CACNG2: variants seen among roughly 807,000 people sequenced by gnomAD.
The protein encoded by CACNG2 is voltage-dependent calcium channel gamma-2 subunit.
A neutral mutation model predicts 25.9 loss-of-function variants in CACNG2; 3 were observed. The observed-to-expected ratio is 0.12, with a 90% CI of 0.05 to 0.30. The LOEUF (loss-of-function observed/expected upper bound fraction) is 0.30. Among genes scored for constraint, CACNG2 ranks in the 10% least tolerant of loss-of-function variants. The pLI, the probability that CACNG2 is intolerant of heterozygous loss-of-function variation, is 1.00. For missense variants in CACNG2, 341 were observed against 432.5 expected (o/e 0.79, Z 1.88); for synonymous variants, 167 against 173.3 (o/e 0.96, Z 0.29).
intron 1 of CACNG2, among the ~76,000 whole-genome samples, chr22:36,588,986 C>T (rs924133695): frequency 1.5e-5 from 2 of 129,186 alleles, no homozygotes; most frequent in Admixed American, 8.3e-5. Flanking sequence ...TTACATATAC[C>T]TTTTTTTTTT....
At chr22:36,663,011 A>ATATT (rs2145985563) in intron 1 of CACNG2, among the ~76,000 whole-genome samples, 1 of 149,776 alleles carries the variant, frequency 6.7e-6, no homozygotes, top group Non-Finnish European at 1.5e-5. Flanking sequence ...TTGAACACTC[A>ATATT]CGATATGTTT....
chr22:36,597,895 G>T (rs1935701006), intron 1 of CACNG2, among the ~76,000 whole-genome samples: 1 of 152,162 alleles, frequency 6.6e-6, no homozygotes, highest in Non-Finnish European at 1.5e-5. Flanking sequence ...AGCTGCTTTG[G>T]TCATATTCTC....
At chr22:36,663,814 G>A (rs945366111) in intron 1 of CACNG2, among the ~76,000 whole-genome samples, 11 of 152,126 alleles carry the variant, frequency 7.2e-5, no homozygotes, top group Non-Finnish European at 1.5e-5. Context: ...TCCCATCTGT[G>A]GGGGGCTGGA....
intron 1 of CACNG2, among the ~76,000 whole-genome samples, chr22:36,629,773 C>T (rs1172643182): frequency 6.6e-6 from 1 of 152,134 alleles, no homozygotes; most frequent in Admixed American, 6.5e-5. Flanking sequence ...CCCAAGGACG[C>T]AGTGAAGAAG....
intron 1 of CACNG2, among the ~76,000 whole-genome samples, chr22:36,600,837 G>A (rs1175473905): frequency 1.3e-5 from 2 of 152,010 alleles, no homozygotes; most frequent in South Asian, 2.1e-4. Context: ...ATGAACCACC[G>A]CTCCCGGCCT....
chr22:36,690,986 C>A (rs757050749), intron 1 of CACNG2, among the ~76,000 whole-genome samples: 1 of 129,980 alleles, frequency 7.7e-6, no homozygotes, highest in Non-Finnish European at 1.8e-5. Flanking sequence ...CTCTCCCATA[C>A]CTTGTTCTCC....
In CACNG2 at chr22:36,658,932, A is replaced by G. The variant is rs370520460; in HGVS notation, c.211+43434T>C. Among the ~76,000 whole-genome samples the G allele has an allele frequency of 6.6e-5, 10 of 152,200 alleles. 1 individual carries two copies. Among genetic ancestry groups the G allele is most frequent in the South Asian group, 6.2e-4 (3 of 4,822 alleles). ...GGGACAGCAATGACGCTGGGAGGGAAGGAAGGGGTGTGCAGGTTATAGGAG... is the reference window on the plus strand; with the variant it reads ...GGGACAGCAATGACGCTGGGAGGGAGGGAAGGGGTGTGCAGGTTATAGGAG... On this transcript the variant is annotated intron_variant, in intron 1 of 3. Coordinates refer to ENST00000300105, the MANE Select transcript of CACNG2 (RefSeq NM_006078.5).
At chr22:36,680,800 C>T (rs1359893606) in intron 1 of CACNG2, among the ~76,000 whole-genome samples, 3 of 147,202 alleles carry the variant, frequency 2.0e-5, no homozygotes, top group Non-Finnish European at 4.5e-5. Flanking sequence ...TTGTCACCAT[C>T]AATCACCACC....
At chr22:36,638,927 A>T (rs1936400472) in intron 1 of CACNG2, among the ~76,000 whole-genome samples, 1 of 152,220 alleles carries the variant, frequency 6.6e-6, no homozygotes, top group Admixed American at 6.5e-5. Flanking sequence ...CTCAGTTTTC[A>T]TCCATTTATT....
chr22:36,564,441 G>A lies in CACNG2; in HGVS notation c.882C>T (p.Asn294=), dbSNP rs1603500138. The A allele has an allele frequency of 6.2e-7, 1 of 1,614,136 alleles. No individual in the cohort carries two copies. The highest frequency in any genetic ancestry group is 2.2e-5 in the East Asian group (1 of 44,874). ...TACAGTTGTGAACCTGGAGGAAGCT[G>A]TTATCCCTGTCGGAGTTGTAGGTGG... ...PTATYNSDRD[N]SFLQVHNCIQ... is the part of the protein sequence containing the mutation. Residue 294 remains asparagine, a synonymous_variant, in exon 4 of 4, where the codon AAC becomes AAT. Transcript: ENST00000300105. This position sits in a 1 kb window ranked among gnomAD's most constrained non-coding sequence, Gnocchi z 6.7.
At chr22:36,593,587 G>A (rs978368392) in intron 1 of CACNG2, among the ~76,000 whole-genome samples, 23 of 152,132 alleles carry the variant, frequency 1.5e-4, no homozygotes, top group African/African-American at 5.3e-4. Flanking sequence ...AGAATGGGGG[G>A]ATTCTGCTGG....
intron 1 of CACNG2, among the ~76,000 whole-genome samples, chr22:36,664,189 G>A (rs958229339): frequency 5.3e-5 from 8 of 151,822 alleles, no homozygotes; most frequent in East Asian, 1.9e-4. Context: ...TAACTGAAAC[G>A]TTTATAGTAA....
intron 1 of CACNG2, among the ~76,000 whole-genome samples, chr22:36,656,296 G>C (rs2082217610): frequency 6.6e-6 from 1 of 152,120 alleles, no homozygotes; most frequent in Non-Finnish European, 1.5e-5. Flanking sequence ...TGAATGATTT[G>C]GGGAAGGGAA....
rs761169033 is a variant in CACNG2 at position 36,564,686 on chromosome 22, G to T, written c.637C>A (p.Arg213Ser). 8 of 1,613,916 alleles carry T rather than the reference G, an allele frequency of 5.0e-6. No individual in the cohort carries two copies. The highest frequency in any genetic ancestry group is 1.1e-5 in the South Asian group (1 of 91,092). ...DRHKQLRATA[R>S]ATDYLQASAI... is the part of the protein sequence containing the mutation. The stretch of plus-strand genomic sequence containing the variant: ...GAGGCCTGGAGGTAGTCCGTGGCGC[G>T]GGCCGTGGCCCGCAGCTGTTTGTGC... The change falls in exon 4 of 4, where the codon CGC becomes AGC. Residue 213 changes from arginine (R) to serine (S), a missense_variant. By Grantham distance (110) the Arg-to-Ser change is moderately radical. Coordinates refer to ENST00000300105, the MANE Select transcript of CACNG2 (RefSeq NM_006078.5). This position sits in a 1 kb window ranked among gnomAD's most constrained non-coding sequence, Gnocchi z 6.7.
Position 36,702,821 on chromosome 22 carries a change from G to C in CACNG2, c.-245C>G. 1 of 335,728 alleles carries C rather than the reference G, an allele frequency of 3.0e-6. No homozygotes were observed. The highest frequency in any genetic ancestry group is 5.3e-6 in the Non-Finnish European group (1 of 187,944). The allele number at this position is 335,728 out of a possible 1,614,324, so 20.8% of individuals were successfully genotyped here. On this transcript the variant is annotated 5_prime_UTR_variant, in exon 1 of 4. Coordinates refer to ENST00000300105, the MANE Select transcript of CACNG2 (RefSeq NM_006078.5). Reference sequence around the variant, plus strand: ...GGCTTGCCTTTTGAGATCAGAAACTGTTCCAGTTGCAGTGTTTTTTTTTTA... The same window carrying C: ...GGCTTGCCTTTTGAGATCAGAAACTCTTCCAGTTGCAGTGTTTTTTTTTTA...
intron 1 of CACNG2, among the ~76,000 whole-genome samples, chr22:36,657,950 CT>C (rs1363028016): frequency 1.3e-5 from 2 of 152,066 alleles, no homozygotes; most frequent in East Asian, 3.9e-4. Context: ...TGTAGAGAGG[CT>C]CACTGAGACT....
chr22:36,622,874 G>A (rs1366074787), intron 1 of CACNG2, among the ~76,000 whole-genome samples: 3 of 151,266 alleles, frequency 2.0e-5, no homozygotes, highest in Non-Finnish European at 4.4e-5. Flanking sequence ...CACGAGAATC[G>A]CTTGAACCCG....
rs558757990 is a variant in CACNG2 at position 36,684,912 on chromosome 22, G to T, written c.211+17454C>A. Among the ~76,000 whole-genome samples the T allele has an allele frequency of 2.0e-3, 304 of 152,292 alleles. 1 individual carries two copies. Among genetic ancestry groups the T allele is most frequent in the African/African-American group, 7.1e-3 (296 of 41,570 alleles). The stretch of plus-strand genomic sequence containing the variant: ...TGCCCAAACTGGGCTCTTTCTGCTG[G>T]ATCGCGCTGCCCAATCAATCCGGGA... On this transcript the variant is annotated intron_variant, in intron 1 of 3. Transcript: ENST00000300105.
intron 1 of CACNG2, among the ~76,000 whole-genome samples, chr22:36,684,964 T>G (rs1376139682): frequency 6.6e-6 from 1 of 152,056 alleles, no homozygotes; most frequent in Non-Finnish European, 1.5e-5. Flanking sequence ...AGTGGTTGGG[T>G]TCTAGGGAAA....
Sources: allele counts gnomAD v4.1 joint callset (sites outside exome capture counted in the v4.1 genomes callset), GRCh38; gene constraint gnomAD v4.1.1; non-coding constraint Gnocchi (gnomAD v3.1); transcripts MANE v1.5; gene names NCBI Gene and HGNC (gene_info 2026-07-23, HGNC 2026-07-21).